LILRA2: variants seen among roughly 807,000 people sequenced by gnomAD.
The protein encoded by LILRA2 is leukocyte immunoglobulin like receptor A2.
Under a neutral mutation model 47.9 loss-of-function variants are expected in LILRA2, and 45 were observed. The observed-to-expected ratio is 0.94, with a 90% confidence interval of 0.74 to 1.20. LILRA2 has a LOEUF of 1.20. Ranked by LOEUF, LILRA2 falls within the 50% of genes most tolerant of loss-of-function variation. The pLI is 0.00. For missense variants in LILRA2, 651 were observed against 598.2 expected (o/e 1.09, Z -0.92); for synonymous variants, 279 against 249.2 (o/e 1.12, Z -1.13).
upstream of LILRA2, chr19:54,573,224 T>G: frequency 2.2e-6 from 1 of 463,496 alleles, no homozygotes; most frequent in Non-Finnish European, 4.0e-6. Context: ...GCCTCTAGCC[T>G]TCACCCACCT....
chr19:54,584,193 C>T (rs1457588941), intron 6 of LILRA2, among the ~76,000 whole-genome samples: 1 of 152,174 alleles, frequency 6.6e-6, no homozygotes, highest in African/African-American at 2.4e-5. Flanking sequence ...TTCTCTCTGG[C>T]TGCCCTTAAT....
chr19:54,573,073 T>A (rs1249448434), upstream of LILRA2: 1 of 224,024 alleles, frequency 4.5e-6, no homozygotes, highest in Non-Finnish European at 9.2e-6. Context: ...AGCCTCCGCC[T>A]CCCAGGCCGA....
chr19:54,573,572 T>C (rs1227267611), upstream of LILRA2: 1 of 749,724 alleles, frequency 1.3e-6, no homozygotes, highest in Non-Finnish European at 2.3e-6. Context: ...ACCAGTTCTA[T>C]TTGCTGCTAC....
rs1159623731 is a variant in LILRA2, at chr19:54,587,822, C to T, written c.*476C>T. ...GATTCCAACCAGGAAAACATAAATC[C>T]ACCCTGCTGCCCTGACACCCTCTCT... is the stretch of plus-strand genomic sequence containing the variant. On this transcript the variant is annotated 3_prime_UTR_variant, in exon 8 of 8. Coordinates refer to ENST00000391738, the MANE Select transcript of LILRA2 (RefSeq NM_001130917.3). 1.2e-5 allele frequency: 2 copies of T among 166,534 alleles called. No homozygotes were observed. The highest frequency in any genetic ancestry group is 1.1e-4 in the Admixed American group (2 of 17,568). The allele number at this position is 166,534 out of a possible 1,614,324, so 10.3% of individuals were successfully genotyped here.
At chr19:54,573,448 C>A, upstream of LILRA2, 1 of 1,082,996 alleles carries the variant, frequency 9.2e-7, no homozygotes. Context: ...AAGGACCCCG[C>A]AACGCTGAGC....
chr19:54,582,959 A>G (rs2146007755), intron 6 of LILRA2, among the ~76,000 whole-genome samples: 1 of 152,270 alleles, frequency 6.6e-6, no homozygotes, highest in East Asian at 1.9e-4. Flanking sequence ...TGTGTCCCAG[A>G]GATTCTGTTA....
chr19:54,587,101 G>C (rs766191587), intron 7 of LILRA2, 41 bp downstream of exon 7: 2 of 1,611,964 alleles, frequency 1.2e-6, no homozygotes, highest in African/African-American at 1.3e-5. Flanking sequence ...CTGGCACAGA[G>C]GGTCAGGTCC....
chr19:54,584,985 G>C (rs1388377842), intron 6 of LILRA2, among the ~76,000 whole-genome samples: 1 of 152,200 alleles, frequency 6.6e-6, no homozygotes, highest in Non-Finnish European at 1.5e-5. Flanking sequence ...TGTTGACATT[G>C]ATGCTATTCC....
Position 54,586,781 on chromosome 19 carries a change from G to C in LILRA2, c.1256-229G>C, listed in dbSNP as rs187598502. Among the ~76,000 whole-genome samples, 548 of 152,252 alleles carry C rather than the reference G, an allele frequency of 3.6e-3. No homozygotes were observed. The South Asian group carries it at 0.072, about 20-fold the overall frequency. ...TACCATATCCATGCTGAGCTCCCGG[G>C]ATGCAGGAAAACTCTCCCAAATGAC... On this transcript the variant is annotated intron_variant, in intron 6 of 7. Transcript: ENST00000391738.
intron 6 of LILRA2, chr19:54,577,374 G>C: frequency 9.4e-7 from 1 of 1,059,080 alleles, no homozygotes. Flanking sequence ...CTGGGAAGAT[G>C]CTGGGGCTGA....
chr19:54,587,675 C>A lies in LILRA2; in HGVS notation c.*329C>A. On this transcript the variant is annotated 3_prime_UTR_variant, in exon 8 of 8. Coordinates refer to ENST00000391738, the MANE Select transcript of LILRA2 (RefSeq NM_001130917.3). Reference sequence around the variant, plus strand: ...CACACCTGTGTGCTCTGGTCCACGGCATGTGACACAGTCTTCCTTATTCCT... The same window carrying A: ...CACACCTGTGTGCTCTGGTCCACGGAATGTGACACAGTCTTCCTTATTCCT... The A allele has an allele frequency of 2.8e-6, 1 of 358,108 alleles. No individual in the cohort carries two copies. Among genetic ancestry groups the A allele is most frequent in the South Asian group, 4.3e-5 (1 of 23,030 alleles). The allele number at this position is 358,108 out of a possible 1,614,324, so 22.2% of individuals were successfully genotyped here. A position where few individuals can be genotyped will look rare whatever the true frequency, so the allele number is the denominator to read the frequency against.
At position 54,577,522 on chromosome 19, in the gene LILRA2, CAA is replaced by C. The variant is rs1367810352; in HGVS notation, c.1255+1414_1255+1415del. ...GCGGGGTCCCTGGGCCATCTCAAGA[CAA>C]GAGAGGAGGCTGCTTGGGCCTCGGT... is the stretch of plus-strand genomic sequence containing the variant. On this transcript the variant is annotated intron_variant, in intron 6 of 7. Coordinates refer to ENST00000391738, the MANE Select transcript of LILRA2 (RefSeq NM_001130917.3). 1.5e-5 allele frequency: 19 copies of C among 1,289,708 alleles called. No homozygotes were observed. In the African/African-American group the frequency reaches 2.7e-4, roughly 19 times the overall value. The allele number at this position is 1,289,708 out of a possible 1,614,324, so 79.9% of individuals were successfully genotyped here.
intron 6 of LILRA2, among the ~76,000 whole-genome samples, chr19:54,576,729 C>T (rs1171958946): frequency 2.4e-4 from 36 of 152,370 alleles, no homozygotes; most frequent in Admixed American, 1.6e-3. Context: ...TTCCCAGGAG[C>T]CGTCACCTCT....
upstream of LILRA2, chr19:54,573,700 C>T: frequency 1.5e-6 from 2 of 1,310,624 alleles, no homozygotes; most frequent in Non-Finnish European, 2.1e-6. Flanking sequence ...CACCTCAGCC[C>T]TAAAGGTATG....
At chr19:54,575,219 G>A (rs574788965) in intron 4 of LILRA2, 37 bp from the exon 5 acceptor site, 2 of 1,577,384 alleles carry the variant, frequency 1.3e-6, no homozygotes, top group Non-Finnish European at 1.7e-6. Context: ...GGAAGCCTGA[G>A]GGTCGGCTCC....
In LILRA2 at chr19:54,588,030, TC is replaced by T. The variant is rs541173451; in HGVS notation, c.*685del. 551 of 152,520 alleles carry T rather than the reference TC, an allele frequency of 3.6e-3. No homozygotes were observed. The South Asian group carries it at 0.072, about 20-fold the overall frequency. 9.4% of individuals were successfully genotyped at this position (152,520 alleles called of 1,614,324 possible). A position where few individuals can be genotyped will look rare whatever the true frequency, so the allele number is the denominator to read the frequency against. On this transcript the variant is annotated 3_prime_UTR_variant, in exon 8 of 8. Transcript: ENST00000391738. ...CCAATTTCTGTGACATAAATATTTT[TC>T]TCATGGCCCAAATCAAGGTGCCAAT... is the stretch of plus-strand genomic sequence containing the variant.
Position 54,576,081 on chromosome 19 carries a change from C to T in LILRA2, c.1227C>T (p.Pro409=). The change falls in exon 6 of 8, where the codon CCC becomes CCT. Residue 409 remains proline, a synonymous_variant. Transcript: ENST00000391738. ...LSSNPYLLSL[P]SDPLELVVSE... is the part of the protein sequence containing the mutation. Reference sequence around the variant, plus strand: ...CCAACCCCTACCTGCTGTCTCTCCCCAGTGACCCCCTGGAGCTCGTGGTCT... The same window carrying T: ...CCAACCCCTACCTGCTGTCTCTCCCTAGTGACCCCCTGGAGCTCGTGGTCT... 2 of 1,614,206 alleles carry T rather than the reference C, an allele frequency of 1.2e-6. No homozygotes were observed. Among genetic ancestry groups the T allele is most frequent in the South Asian group, 1.1e-5 (1 of 91,090 alleles).
Position 54,587,059 on chromosome 19 carries a change from T to G in LILRA2, c.1305T>G (p.Thr435=). ...SPSQNKTDST[T]TSLGQHPQDY... The stretch of plus-strand genomic sequence containing the variant: ...CACAAAACAAGACAGACTCCACGAC[T>G]AGTGAGTGAGGAGATGCTCTCAGTT... The change falls in exon 7 of 8, where the codon ACT becomes ACG. Residue 435 remains threonine (T), a splice_region_variant and synonymous_variant. Transcript: ENST00000391738. The G allele has an allele frequency of 1.2e-6, 2 of 1,613,304 alleles. No individual in the cohort carries two copies. Among genetic ancestry groups the G allele is most frequent in the Non-Finnish European group, 1.7e-6 (2 of 1,179,376 alleles).
intron 6 of LILRA2, among the ~76,000 whole-genome samples, chr19:54,585,782 G>A (rs1000929496): frequency 2.2e-4 from 34 of 152,132 alleles, no homozygotes; most frequent in African/African-American, 7.2e-4. Context: ...GCTTCAGCTC[G>A]CCCTTTGTGG....
Sources: gnomAD v4.1 joint callset for allele counts (sites outside exome capture counted in the v4.1 genomes callset) on GRCh38, gnomAD v4.1.1 for gene constraint, MANE v1.5 for transcripts, NCBI Gene and HGNC (gene_info 2026-07-23, HGNC 2026-07-21) for gene names.